TTC28: variants seen among roughly 807,000 people sequenced by gnomAD.
TTC28 encodes tetratricopeptide repeat protein 28.
TTC28 carries 61 observed loss-of-function variants against 198.0 expected under a neutral mutation model. The observed-to-expected ratio is 0.31, with a 90% confidence interval of 0.25 to 0.38. TTC28 has a LOEUF of 0.38. Among genes scored for constraint, TTC28 ranks in the 10% least tolerant of loss-of-function variants. The pLI is 1.00. For missense variants in TTC28, 2,678 were observed against 3,164.0 expected, an observed-to-expected ratio of 0.85 and a Z score of 3.69; for synonymous variants, 1,171 against 1,297.8, an observed-to-expected ratio of 0.90 and a Z score of 2.10.
At chr22:28,013,921 G>A (rs552693701) in intron 14 of TTC28, among the ~76,000 whole-genome samples, 1 of 152,296 alleles carries the variant, frequency 6.6e-6, no homozygotes, top group South Asian at 2.1e-4. Flanking sequence ...TGTTGGGCAG[G>A]CTGGGAAGGG....
chr22:28,661,109 A>G (rs896803141), intron 1 of TTC28, among the ~76,000 whole-genome samples: 1 of 150,616 alleles, frequency 6.6e-6, no homozygotes, highest in African/African-American at 2.4e-5. Context: ...ACATGGAGAA[A>G]CCCCGTCTCT....
At chr22:28,540,390 G>A (rs1482049524) in intron 2 of TTC28, among the ~76,000 whole-genome samples, 2 of 152,148 alleles carry the variant, frequency 1.3e-5, no homozygotes, top group Non-Finnish European at 2.9e-5. Flanking sequence ...CTCCTTGGGT[G>A]AGAATTTTTA....
At chr22:28,550,013 T>C (rs1181281385) in intron 2 of TTC28, among the ~76,000 whole-genome samples, 2 of 152,174 alleles carry the variant, frequency 1.3e-5, no homozygotes, top group East Asian at 3.8e-4. Context: ...CCAGTGAGGA[T>C]TGTGATCAAT....
chr22:28,042,142 T>C (rs541490492), intron 12 of TTC28, among the ~76,000 whole-genome samples: 100 of 152,196 alleles, frequency 6.6e-4, no homozygotes, highest in African/African-American at 2.3e-3. Flanking sequence ...GGAGTGTAAA[T>C]TAGTTCAACC....
intron 2 of TTC28, among the ~76,000 whole-genome samples, chr22:28,590,129 T>A (rs971659908): frequency 1.4e-5 from 2 of 138,304 alleles, no homozygotes; most frequent in Admixed American, 7.2e-5. Context: ...AATTTCTAAA[T>A]TTTTTTTTTT....
intron 2 of TTC28, among the ~76,000 whole-genome samples, chr22:28,332,789 T>C (rs750990373): frequency 1.3e-5 from 2 of 152,102 alleles, no homozygotes; most frequent in Non-Finnish European, 2.9e-5. Flanking sequence ...TTCCATAAAC[T>C]TGAAATCTAA....
chr22:28,003,495 C>T (rs1488839147), intron 14 of TTC28, among the ~76,000 whole-genome samples: 1 of 152,080 alleles, frequency 6.6e-6, no homozygotes, highest in Non-Finnish European at 1.5e-5. Context: ...CCAGCCCCAG[C>T]CCCAGGCCTG....
At position 28,544,209 on chromosome 22, in the gene TTC28, C is replaced by T. The variant is rs534830329; in HGVS notation, c.381+85343G>A. Among the ~76,000 whole-genome samples, 157 of 152,254 alleles carry T rather than the reference C, an allele frequency of 1.0e-3. 2 individuals carry two copies. Among genetic ancestry groups the T allele is most frequent in the African/African-American group, 3.4e-3 (142 of 41,562 alleles). Reference sequence around the variant, plus strand: ...CTCCAGCCTGGGCAACACAGTGAGACTCCGTCTCAAAAAAACAAAAACAAA... The same window carrying T: ...CTCCAGCCTGGGCAACACAGTGAGATTCCGTCTCAAAAAAACAAAAACAAA... On this transcript the variant is annotated intron_variant, in intron 2 of 22. Transcript: ENST00000397906.
intron 1 of TTC28, among the ~76,000 whole-genome samples, chr22:28,646,601 A>G (rs1038600464): frequency 6.6e-6 from 1 of 152,220 alleles, no homozygotes. Context: ...GTGGTGGCTC[A>G]CACCTGTAAT....
At chr22:28,651,832 TTTTG>T (rs144955021) in intron 1 of TTC28, among the ~76,000 whole-genome samples, 8,520 of 152,124 alleles carry the variant, frequency 0.056, 281 homozygotes, top group Non-Finnish European at 0.071. Context: ...TGAATGCAGT[TTTTG>T]TTTGTTTGTT....
intron 12 of TTC28, among the ~76,000 whole-genome samples, chr22:28,036,471 G>A (rs1233191177): frequency 6.6e-6 from 1 of 152,170 alleles, no homozygotes; most frequent in Non-Finnish European, 1.5e-5. Context: ...TGAAACCAAT[G>A]AGAACAAAGA....
intron 2 of TTC28, among the ~76,000 whole-genome samples, chr22:28,504,713 G>A (rs908171842): frequency 6.6e-6 from 1 of 152,004 alleles, no homozygotes; most frequent in African/African-American, 2.4e-5. Context: ...GCCAACTTTT[G>A]AGGTTGTCCA....
chr22:28,235,669 T>C (rs1373151984), intron 5 of TTC28, among the ~76,000 whole-genome samples: 1 of 152,180 alleles, frequency 6.6e-6, no homozygotes, highest in Non-Finnish European at 1.5e-5. Flanking sequence ...ATGGTAATGG[T>C]AGCGTCTCAA....
intron 2 of TTC28, among the ~76,000 whole-genome samples, chr22:28,317,261 T>A (rs1165101631): frequency 6.6e-6 from 1 of 152,214 alleles, no homozygotes; most frequent in East Asian, 1.9e-4. Context: ...AGAGTTGTTG[T>A]CTATTGATTG....
chr22:28,567,506 A>ATATATATATATATATG (rs1223631976), intron 2 of TTC28, among the ~76,000 whole-genome samples: 1 of 133,886 alleles, frequency 7.5e-6, no homozygotes, highest in Non-Finnish European at 1.6e-5. Context: ...ATATATATAT[A>ATATATATATATATATG]TATGTTTTTA....
Position 28,385,549 on chromosome 22 carries a change from C to T in TTC28, c.382-78906G>A, listed in dbSNP as rs1257398092. Among the ~76,000 whole-genome samples, 5 of 151,900 alleles carry T rather than the reference C, an allele frequency of 3.3e-5. No homozygotes were observed. The East Asian group carries it at 9.7e-4, about 29-fold the overall frequency. On this transcript the variant is annotated intron_variant, in intron 2 of 22. Coordinates refer to ENST00000397906, the MANE Select transcript of TTC28 (RefSeq NM_001145418.2). ...CTCCACACTTATAATACCTACTTTT[C>T]AGGATTATCATGAGGAGTAAATAAA...
Position 28,653,716 on chromosome 22 carries a change from A to G in TTC28, c.103-23886T>C, listed in dbSNP as rs554695734. On this transcript the variant is annotated intron_variant, in intron 1 of 22. Transcript: ENST00000397906. ...TGTTTCTCCCCACTTCCCTTCCCAT[A>G]CTAGGTATATAAGCCTTTAACTCTA... Among the ~76,000 whole-genome samples the G allele has an allele frequency of 2.0e-5, 3 of 152,230 alleles. No individual in the cohort carries two copies. In the South Asian group the frequency reaches 6.2e-4, roughly 32 times the overall value.
chr22:28,286,672 AC>A (rs1455787070), intron 5 of TTC28, among the ~76,000 whole-genome samples: 1 of 152,222 alleles, frequency 6.6e-6, no homozygotes, highest in Non-Finnish European at 1.5e-5. Flanking sequence ...CAATAAAAAA[AC>A]AAGTAGTATG....
intron 1 of TTC28, among the ~76,000 whole-genome samples, chr22:28,661,540 C>T (rs1199990366): frequency 2.0e-5 from 3 of 152,054 alleles, no homozygotes; most frequent in African/African-American, 4.8e-5. Flanking sequence ...CTGCCTCAGC[C>T]TCCTGAGTAG....
Sources: allele counts gnomAD v4.1 joint callset (sites outside exome capture counted in the v4.1 genomes callset), GRCh38; gene constraint gnomAD v4.1.1; transcripts MANE v1.5; gene names NCBI Gene and HGNC (gene_info 2026-07-23, HGNC 2026-07-21).